The following MTMR2 variants were observed in gnomAD, a reference collection of about 807,000 sequenced individuals.
MTMR2 encodes the protein phosphatidylinositol-3,5-bisphosphate 3-phosphatase MTMR2.
A neutral mutation model predicts 86.9 loss-of-function variants in MTMR2; 55 were observed. That is an observed-to-expected ratio of 0.63 (90% CI 0.51 to 0.79). The LOEUF (loss-of-function observed/expected upper bound fraction) is 0.79, where lower values mean the gene tolerates loss of function less well. Ranked by LOEUF, MTMR2 falls within the 30% of genes least tolerant of loss-of-function variation. The probability of loss-of-function intolerance (pLI) is 0.00; values close to 1 mark genes in which losing one functional copy is unlikely to be tolerated. For missense variants in MTMR2, 659 were observed against 772.3 expected (o/e 0.85, Z 1.74); for synonymous variants, 241 against 266.8 (o/e 0.90, Z 0.94).
chr11:95,893,178 T>C (rs1865769242), intron 1 of MTMR2, among the ~76,000 whole-genome samples: 1 of 152,290 alleles, frequency 6.6e-6, no homozygotes, highest in East Asian at 1.9e-4. Flanking sequence ...ATGGGAATTT[T>C]ATTATCCATA....
intron 1 of MTMR2, among the ~76,000 whole-genome samples, chr11:95,919,999 G>T (rs903652733): frequency 6.6e-6 from 1 of 152,114 alleles, no homozygotes; most frequent in African/African-American, 2.4e-5. Flanking sequence ...GTCAAATTCT[G>T]CTGTGTAACT....
chr11:95,852,266 A>C (rs1036815636), intron 7 of MTMR2, among the ~76,000 whole-genome samples: 4 of 152,244 alleles, frequency 2.6e-5, no homozygotes, highest in Non-Finnish European at 5.9e-5. Flanking sequence ...CCAAAGCTAT[A>C]CATTAGGAAG....
chr11:95,888,274 A>G lies in MTMR2; in HGVS notation c.81-13T>C, dbSNP rs200889654. 6.4e-6 allele frequency: 10 copies of G among 1,572,930 alleles called. 1 individual carries two copies. In the East Asian group the frequency reaches 9.0e-5, roughly 14 times the overall value. The stretch of plus-strand genomic sequence containing the variant: ...AGAAGTGGAGGCACTACAAAATACA[A>G]AAGTACAGTATGTTGGAAAAATGGG... On this transcript the variant is annotated splice_polypyrimidine_tract_variant and intron_variant, in intron 1 of 14. Coordinates refer to ENST00000346299, the MANE Select transcript of MTMR2 (RefSeq NM_016156.6).
At chr11:95,848,538 G>A (rs1319300957) in intron 9 of MTMR2, among the ~76,000 whole-genome samples, 1 of 152,042 alleles carries the variant, frequency 6.6e-6, no homozygotes, top group Non-Finnish European at 1.5e-5. Flanking sequence ...AATAAGCTAT[G>A]GCTAGAAAGA....
In MTMR2 at chr11:95,923,989, C is replaced by G. The variant is rs115278720; in HGVS notation, c.-35G>C. The G allele has an allele frequency of 7.8e-4, 1,218 of 1,551,726 alleles. 8 individuals are homozygous for G. In the African/African-American group the frequency reaches 0.015, roughly 19 times the overall value. On this transcript the variant is annotated 5_prime_UTR_variant, in exon 1 of 15. Transcript: ENST00000346299. ...GGGGCAGCACAGGGAAAGGCTGAAG[C>G]AGTCTTCGCGGCTACAGGGCGGGAG...
intron 7 of MTMR2, 44 bp downstream of exon 7, chr11:95,857,508 A>T (rs956775184): frequency 1.1e-5 from 15 of 1,425,050 alleles, no homozygotes; most frequent in Non-Finnish European, 1.5e-5. Flanking sequence ...TTTGGAATGA[A>T]AAGAATACAA....
chr11:95,858,745 A>G, intron 5 of MTMR2, 113 bp from the exon 6 acceptor site: 2 of 739,584 alleles, frequency 2.7e-6, no homozygotes, highest in Non-Finnish European at 4.7e-6. Context: ...TGTGGGATAC[A>G]AAAATAAATC....
At chr11:95,900,303 T>C (rs1298632062) in intron 1 of MTMR2, among the ~76,000 whole-genome samples, 2 of 152,078 alleles carry the variant, frequency 1.3e-5, no homozygotes, top group African/African-American at 2.4e-5. Context: ...CTAAATCAAA[T>C]CCATAAAATG....
intron 1 of MTMR2, among the ~76,000 whole-genome samples, chr11:95,889,624 G>A (rs1056532449): frequency 4.6e-5 from 7 of 152,012 alleles, no homozygotes; most frequent in East Asian, 1.9e-4. Flanking sequence ...CCAAAGTGTC[G>A]GGATTTCATG....
chr11:95,921,081 T>A (rs1276699562), intron 1 of MTMR2, among the ~76,000 whole-genome samples: 1 of 152,224 alleles, frequency 6.6e-6, no homozygotes, highest in African/African-American at 2.4e-5. Context: ...TATTACCACC[T>A]TCAGATATAA....
chr11:95,838,167 G>C lies in MTMR2; in HGVS notation c.1520C>G (p.Thr507Ser), dbSNP rs772625760. 6 of 1,610,612 alleles carry C rather than the reference G, an allele frequency of 3.7e-6. No homozygotes were observed. The South Asian group carries it at 5.5e-5, about 15-fold the overall frequency. The change falls in exon 13 of 15, where the codon ACC becomes AGC. Residue 507 changes from threonine (T) to serine (S), a missense_variant. Transcript: ENST00000346299. ...GCAGCTGTATAGGTGGTCCAAAATG[G>C]TAATGAGAAAATACTCATTGAATTC... ...AFEFNEYFLI[T>S]ILDHLYSCLF... is the part of the protein sequence containing the mutation.
At chr11:95,874,089 G>C (rs2135510936) in intron 2 of MTMR2, among the ~76,000 whole-genome samples, 1 of 152,298 alleles carries the variant, frequency 6.6e-6, no homozygotes, top group Admixed American at 6.5e-5. Flanking sequence ...GGGGTGGAGA[G>C]TTCTGTAGAT....
In MTMR2 at chr11:95,834,794, A is replaced by AAT. The variant is rs1863181497; in HGVS notation, c.*494_*495dup. 1.8e-5 allele frequency: 3 copies of AAT among 168,868 alleles called. No homozygotes were observed. Among genetic ancestry groups the AAT allele is most frequent in the African/African-American group, 7.2e-5 (3 of 41,670 alleles). 10.5% of individuals were successfully genotyped at this position (168,868 alleles called of 1,614,324 possible). On this transcript the variant is annotated 3_prime_UTR_variant, in exon 15 of 15. Coordinates refer to ENST00000346299, the MANE Select transcript of MTMR2 (RefSeq NM_016156.6). ...TGGAAGTTGAAAAGTGATCAAGGTAAATCAGTTACTGAAAAAAAGAAAAAC... is the reference window on the plus strand; with the variant it reads ...TGGAAGTTGAAAAGTGATCAAGGTAAATATCAGTTACTGAAAAAAAGAAAAAC...
intron 1 of MTMR2, among the ~76,000 whole-genome samples, chr11:95,897,756 C>G (rs139041688): frequency 1.3e-5 from 2 of 152,084 alleles, no homozygotes; most frequent in Non-Finnish European, 2.9e-5. Flanking sequence ...ACAATACATA[C>G]ACGGTTGGTT....
Position 95,836,245 on chromosome 11 carries a change from C to T in MTMR2, c.1673G>A (p.Ser558Asn), listed in dbSNP as rs760050731. 2 of 1,612,946 alleles carry T rather than the reference C, an allele frequency of 1.2e-6. No homozygotes were observed. Among genetic ancestry groups the T allele is most frequent in the East Asian group, 4.5e-5 (2 of 44,862 alleles). ...LEDFTNPLYG[S>N]YSNHVLYPVA... ...TGGATAAAGGACATGATTGGAATAG[C>T]TCCCATAGAGAGGATTAGTGAAGTC... is the stretch of plus-strand genomic sequence containing the variant. Residue 558 changes from serine to asparagine, a missense_variant, in exon 14 of 15, where the codon AGC (serine) becomes AAC (asparagine). Ser to Asn is a conservative substitution (Grantham distance 46). Coordinates refer to ENST00000346299, the MANE Select transcript of MTMR2 (RefSeq NM_016156.6).
chr11:95,923,029 T>A (rs530535085), intron 1 of MTMR2, among the ~76,000 whole-genome samples: 56 of 152,280 alleles, frequency 3.7e-4, no homozygotes, highest in African/African-American at 8.9e-4. Context: ...TATTATTTTT[T>A]AAAAAATTTT....
At chr11:95,872,548 G>C (rs1425241360) in intron 2 of MTMR2, among the ~76,000 whole-genome samples, 2 of 151,802 alleles carry the variant, frequency 1.3e-5, no homozygotes. Context: ...ATACAATCAT[G>C]TCATCTGCAA....
intron 14 of MTMR2, 29 bp from the exon 15 acceptor site, chr11:95,835,480 C>T (rs1290841752): frequency 8.2e-6 from 13 of 1,587,560 alleles, no homozygotes; most frequent in Admixed American, 1.7e-5. Flanking sequence ...AAATATTCAA[C>T]TAGGCAATCC....
intron 1 of MTMR2, among the ~76,000 whole-genome samples, chr11:95,894,253 A>G (rs1865807792): frequency 6.6e-6 from 1 of 152,100 alleles, no homozygotes. Flanking sequence ...TATTTCTATC[A>G]TAATACCTGT....
Sources: allele counts gnomAD v4.1 joint callset (sites outside exome capture counted in the v4.1 genomes callset), GRCh38; gene constraint gnomAD v4.1.1; transcripts MANE v1.5; gene names NCBI Gene and HGNC (gene_info 2026-07-23, HGNC 2026-07-21).